The following MRPS28 variants were observed in gnomAD, a reference collection of about 807,000 sequenced individuals.
MRPS28 encodes small ribosomal subunit protein bS1m.
Under a neutral mutation model 10.8 loss-of-function variants are expected in MRPS28, and 7 were observed. The ratio of observed to expected loss-of-function variants is 0.65; its 90% CI spans 0.37 to 1.22. MRPS28 has a LOEUF of 1.22. Among genes scored for constraint, MRPS28 ranks in the 50% most tolerant of loss-of-function variants. The pLI, the probability that MRPS28 is intolerant of heterozygous loss-of-function variation, is 0.02. For missense variants in MRPS28, 265 were observed against 232.9 expected (o/e 1.14, Z -0.90); for synonymous variants, 121 against 93.3 (o/e 1.30, Z -1.71).
chr8:79,936,227 T>A (rs146402147), intron 2 of MRPS28, among the ~76,000 whole-genome samples: 1 of 151,012 alleles, frequency 6.6e-6, no homozygotes, highest in East Asian at 1.9e-4. Context: ...ACTTGTGAGC[T>A]GAGGTGGGAG....
At chr8:79,997,269 A>T (rs1808525492) in intron 2 of MRPS28, among the ~76,000 whole-genome samples, 1 of 152,180 alleles carries the variant, frequency 6.6e-6, no homozygotes, top group Non-Finnish European at 1.5e-5. Context: ...AAATTAGGTT[A>T]AAGACTCATA....
chr8:80,009,961 A>C (rs1037034176), intron 1 of MRPS28, among the ~76,000 whole-genome samples: 2 of 152,208 alleles, frequency 1.3e-5, no homozygotes, highest in African/African-American at 4.8e-5. Context: ...ATCAGTCTGA[A>C]CATGAGTTCC....
Position 80,030,063 on chromosome 8 carries a change from A to C in MRPS28, c.186T>G (p.Leu62=), listed in dbSNP as rs558866994. 6.2e-7 allele frequency: 1 copy of C among 1,608,952 alleles called. No individual in the cohort carries two copies. Among genetic ancestry groups the C allele is most frequent in the Non-Finnish European group, 8.5e-7 (1 of 1,178,570 alleles). ...FASALERHSE[L]LQKVEPLQKG... is the part of the protein sequence containing the mutation. ...TCTGTAGGGGCTCCACCTTCTGTAG[A>C]AGCTCCGAGTGCCGCTCCAACGCGC... is the stretch of plus-strand genomic sequence containing the variant. Residue 62 remains leucine (L), a synonymous_variant, in exon 1 of 3, where the codon CTT becomes CTG. Transcript: ENST00000276585.
At chr8:79,977,089 T>C (rs1384824743) in intron 2 of MRPS28, among the ~76,000 whole-genome samples, 1 of 152,058 alleles carries the variant, frequency 6.6e-6, no homozygotes, top group Non-Finnish European at 1.5e-5. Context: ...ATGAAAAAAA[T>C]GCTACACAAT....
chr8:79,948,095 C>T (rs1806973446), intron 2 of MRPS28, among the ~76,000 whole-genome samples: 1 of 151,326 alleles, frequency 6.6e-6, no homozygotes, highest in Non-Finnish European at 1.5e-5. Context: ...TCAGGCCAAT[C>T]TCCTGCCTCG....
At chr8:79,965,823 C>T (rs78087447) in intron 2 of MRPS28, among the ~76,000 whole-genome samples, 2,533 of 152,154 alleles carry the variant, frequency 0.017, 64 homozygotes, top group African/African-American at 0.055. Flanking sequence ...GAATGTCTCT[C>T]TATGCTTAAG....
At chr8:79,932,029 A>C (rs1806476558) in intron 2 of MRPS28, among the ~76,000 whole-genome samples, 1 of 152,214 alleles carries the variant, frequency 6.6e-6, no homozygotes, top group South Asian at 2.1e-4. Context: ...TGGGCCCTGC[A>C]GGAGTACTTG....
At chr8:80,006,162 C>T (rs1014022269) in intron 1 of MRPS28, among the ~76,000 whole-genome samples, 12 of 152,212 alleles carry the variant, frequency 7.9e-5, no homozygotes, top group African/African-American at 2.2e-4. Flanking sequence ...AACTCCCCAA[C>T]CAAAATCAAC....
rs903713936 is a variant in MRPS28 at position 79,923,108 on chromosome 8, G to T, written c.396-3960C>A. ...ATGATGAAGTCAGTCACATTTTCTA[G>T]TCCTTCTATATGTTTATATGCATAT... is the stretch of plus-strand genomic sequence containing the variant. On this transcript the variant is annotated intron_variant, in intron 2 of 2. Transcript: ENST00000276585. Among the ~76,000 whole-genome samples the T allele has an allele frequency of 3.3e-5, 5 of 152,010 alleles. No individual in the cohort carries two copies. The South Asian group carries it at 1.0e-3, about 31-fold the overall frequency.
rs1257756223 is a variant in MRPS28, at chr8:79,963,097, A to G, written c.395+39902T>C. Among the ~76,000 whole-genome samples, 3 of 152,126 alleles carry G rather than the reference A, an allele frequency of 2.0e-5. No homozygotes were observed. In the East Asian group the frequency reaches 5.8e-4, roughly 29 times the overall value. On this transcript the variant is annotated intron_variant, in intron 2 of 2. Transcript: ENST00000276585. ...GGTAGCCCTTTCAAAATGACTTAGT[A>G]TGATGATGTGATTGTACAGGATAGA...
intron 1 of MRPS28, among the ~76,000 whole-genome samples, chr8:80,026,780 GTTTT>G (rs1192396673): frequency 6.6e-6 from 1 of 152,054 alleles, no homozygotes; most frequent in Non-Finnish European, 1.5e-5. Flanking sequence ...GTTTTCTGGT[GTTTT>G]TTGTTTGGTT....
intron 2 of MRPS28, chr8:79,956,749 CCT>C (rs1158659027): frequency 6.6e-6 from 1 of 152,090 alleles, no homozygotes; most frequent in Non-Finnish European, 1.5e-5. Context: ...GTTTTCTGTT[CCT>C]GTGTTAGTTT....
chr8:79,945,361 A>G (rs1186783723), intron 2 of MRPS28, among the ~76,000 whole-genome samples: 1 of 152,222 alleles, frequency 6.6e-6, no homozygotes, highest in Non-Finnish European at 1.5e-5. Flanking sequence ...AACAAACCTC[A>G]GCACACATAG....
At chr8:79,984,739 T>C (rs936146696) in intron 2 of MRPS28, among the ~76,000 whole-genome samples, 2 of 152,148 alleles carry the variant, frequency 1.3e-5, no homozygotes, top group Non-Finnish European at 2.9e-5. Flanking sequence ...CCTAAATATA[T>C]GTGCACCCAA....
intron 1 of MRPS28, among the ~76,000 whole-genome samples, chr8:80,011,135 ATT>A (rs149203015): frequency 1.1e-4 from 15 of 136,178 alleles, no homozygotes; most frequent in African/African-American, 4.4e-4. Context: ...TTATTTTTTT[ATT>A]TTTATTTTTT....
intron 2 of MRPS28, chr8:79,956,564 T>C (rs1807216422): frequency 1.3e-5 from 2 of 152,158 alleles, no homozygotes; most frequent in South Asian, 4.1e-4. Flanking sequence ...TTGTTGTACG[T>C]ATTATTTCAT....
chr8:79,971,527 C>A (rs1807634259), intron 2 of MRPS28, among the ~76,000 whole-genome samples: 1 of 152,162 alleles, frequency 6.6e-6, no homozygotes, highest in Admixed American at 6.5e-5. Flanking sequence ...TGCCTCCCAT[C>A]TTCCCATCCC....
chr8:79,927,917 A>T (rs1387618390), intron 2 of MRPS28, among the ~76,000 whole-genome samples: 1 of 152,210 alleles, frequency 6.6e-6, no homozygotes, highest in Non-Finnish European at 1.5e-5. Flanking sequence ...AGAGTGCTTT[A>T]AATAGCCTTT....
At chr8:79,986,488 C>T (rs1264916744) in intron 2 of MRPS28, among the ~76,000 whole-genome samples, 1 of 152,120 alleles carries the variant, frequency 6.6e-6, no homozygotes, top group Non-Finnish European at 1.5e-5. Flanking sequence ...TCAACTTGTC[C>T]CTGTTTGCAG....
Sources: allele counts gnomAD v4.1 joint callset (sites outside exome capture counted in the v4.1 genomes callset), GRCh38; gene constraint gnomAD v4.1.1; transcripts MANE v1.5; gene names NCBI Gene and HGNC (gene_info 2026-07-23, HGNC 2026-07-21).